NAPA: variants seen among roughly 807,000 people sequenced by gnomAD.
NAPA encodes the protein NSF attachment protein alpha.
In NAPA, 18 loss-of-function variants were observed where a neutral mutation model predicts 48.0. The ratio of observed to expected loss-of-function variants is 0.38; its 90% confidence interval spans 0.26 to 0.56. The LOEUF (loss-of-function observed/expected upper bound fraction) is 0.56, where lower values mean the gene tolerates loss of function less well. NAPA is among the 20% of genes least tolerant of loss of function. The pLI is 0.77. For synonymous variants in NAPA, 152 were observed against 149.9 expected (o/e 1.01, Z -0.10); for missense variants, 315 against 385.0 (o/e 0.82, Z 1.52).
intron 7 of NAPA, chr19:47,492,423 G>A (rs1968295957): frequency 2.3e-6 from 1 of 443,538 alleles, no homozygotes; most frequent in Non-Finnish European, 4.2e-6. Context: ...CAGGACCAAC[G>A]GGAGGCTGGC....
chr19:47,513,162 C>T (rs902238513), intron 1 of NAPA, among the ~76,000 whole-genome samples: 1 of 152,174 alleles, frequency 6.6e-6, no homozygotes, highest in Admixed American at 6.5e-5. Flanking sequence ...CCTTCTCCTT[C>T]CTCTGCCCAG....
chr19:47,493,477 G>T lies in NAPA; in HGVS notation c.359C>A (p.Ala120Glu), dbSNP rs765489177. The T allele has an allele frequency of 6.2e-7, 1 of 1,613,956 alleles. No homozygotes were observed. The highest frequency in any genetic ancestry group is 8.5e-7 in the Non-Finnish European group (1 of 1,179,972). Residue 120 changes from alanine (A) to glutamate (E), a missense_variant, in exon 5 of 11, where the codon GCG becomes GAG. Physicochemically the swap from Ala to Glu is moderately radical, Grantham distance 107 (BLOSUM62 -1). Transcript: ENST00000263354. The surrounding 1 kb of genome is among the most constrained non-coding windows in gnomAD (Gnocchi z 6.4). ...IYTDMGRFTIAAKHHISIAEI... is the reference protein window; with the variant it reads ...IYTDMGRFTIEAKHHISIAEI... Reference sequence around the variant, plus strand: ...AGCAATGGAGATGTGGTGCTTGGCCGCAATCGTGAATCGGCCCTGGAGGGG... The same window carrying T: ...AGCAATGGAGATGTGGTGCTTGGCCTCAATCGTGAATCGGCCCTGGAGGGG...
At chr19:47,504,397 CAAAAAAAAAAAA>C (rs11367620) in intron 1 of NAPA, among the ~76,000 whole-genome samples, 1 of 57,212 alleles carries the variant, frequency 1.7e-5, no homozygotes, top group Non-Finnish European at 3.4e-5. Flanking sequence ...GACCTTGTCT[CAAAAAAAAAAAA>C]AAAAAAAAAA....
intron 7 of NAPA, 24 bp downstream of exon 7, chr19:47,492,937 G>A (rs771208904): frequency 6.8e-6 from 11 of 1,610,426 alleles, no homozygotes; most frequent in African/African-American, 2.7e-5. Context: ...CAGGGTGGAA[G>A]CCGCCATCCC....
At chr19:47,487,616 G>C (rs1485990810), downstream of NAPA, 1 of 152,416 alleles carries the variant, frequency 6.6e-6, no homozygotes, top group African/African-American at 2.4e-5. Flanking sequence ...GTGGGTAGCA[G>C]AGGTGAGGAG....
At chr19:47,485,879 C>T (rs1193739949), downstream of NAPA, among the ~76,000 whole-genome samples, 3 of 152,188 alleles carry the variant, frequency 2.0e-5, no homozygotes, top group African/African-American at 4.8e-5. Flanking sequence ...GGGAGTGGCA[C>T]GTGGGTCTAG....
chr19:47,503,611 C>T (rs764845273), intron 1 of NAPA, 109 bp from the exon 2 acceptor site: 24 of 1,041,256 alleles, frequency 2.3e-5, no homozygotes, highest in Non-Finnish European at 3.1e-5. Flanking sequence ...CCTCACCCTT[C>T]ACCTGTGAAG....
intron 1 of NAPA, among the ~76,000 whole-genome samples, chr19:47,508,920 C>A (rs966531475): frequency 4.6e-5 from 7 of 151,884 alleles, no homozygotes; most frequent in African/African-American, 1.5e-4. Flanking sequence ...CCCAACTCTA[C>A]TAAAAATTAG....
chr19:47,513,182 C>T (rs1046610315), intron 1 of NAPA, among the ~76,000 whole-genome samples: 5 of 152,228 alleles, frequency 3.3e-5, no homozygotes, highest in Admixed American at 3.3e-4. Flanking sequence ...GAGCCTCATG[C>T]TCCTCTCAAC....
At chr19:47,504,902 G>T (rs1025904456) in intron 1 of NAPA, among the ~76,000 whole-genome samples, 2 of 152,118 alleles carry the variant, frequency 1.3e-5, no homozygotes, top group Non-Finnish European at 2.9e-5. Flanking sequence ...AAAACTTATT[G>T]TCCAACAGTA....
rs1968318567 is a variant in NAPA at position 47,492,955 on chromosome 19, C to CCCCACCTGTT, written c.557_561+5dup. The CCCCACCTGTT allele has an allele frequency of 6.2e-7, 1 of 1,613,924 alleles. No homozygotes were observed. Among genetic ancestry groups the CCCCACCTGTT allele is most frequent in the Non-Finnish European group, 8.5e-7 (1 of 1,179,946 alleles). ...GGTGGAAGCCGCCATCCCCACCTGT[C>CCCCACCTGTT]CCCACCTGTTCGTAGATGTCAATGG... is the stretch of plus-strand genomic sequence containing the variant. On this transcript the variant is annotated splice_donor_region_variant and intron_variant, in intron 7 of 10. Coordinates refer to ENST00000263354, the MANE Select transcript of NAPA (RefSeq NM_003827.4).
At chr19:47,514,695 C>T in intron 1 of NAPA, 148 bp downstream of exon 1, 1 of 728,262 alleles carries the variant, frequency 1.4e-6, no homozygotes, top group Non-Finnish European at 2.3e-6. Flanking sequence ...CCTGCGTCCC[C>T]TCTGCCGCCT....
chr19:47,494,069 G>A (rs544624283), intron 4 of NAPA, among the ~76,000 whole-genome samples: 12 of 152,314 alleles, frequency 7.9e-5, no homozygotes, highest in African/African-American at 2.6e-4. Context: ...GTGTCCAGGC[G>A]CTTGCCTAAC....
At chr19:47,487,289 C>G (rs561974634), downstream of NAPA, among the ~76,000 whole-genome samples, 6 of 152,302 alleles carry the variant, frequency 3.9e-5, no homozygotes, top group Non-Finnish European at 8.8e-5. Flanking sequence ...TCCACCCATT[C>G]TCATCCAAAG....
intron 1 of NAPA, among the ~76,000 whole-genome samples, chr19:47,507,537 T>C (rs1342805830): frequency 6.6e-6 from 1 of 152,028 alleles, no homozygotes; most frequent in Non-Finnish European, 1.5e-5. Context: ...ACTCACTCTA[T>C]CTCTCTTGCC....
intron 1 of NAPA, among the ~76,000 whole-genome samples, chr19:47,509,349 T>TAAAATAAATA (rs869068004): frequency 0.011 from 993 of 91,532 alleles, 13 homozygotes; most frequent in African/African-American, 0.042. Flanking sequence ...TAAAATAAAA[T>TAAAATAAATA]AAATAAAATA....
intron 8 of NAPA, 38 bp downstream of exon 8, chr19:47,491,977 G>A (rs769174788): frequency 6.4e-7 from 1 of 1,567,944 alleles, no homozygotes; most frequent in Non-Finnish European, 8.8e-7. Context: ...GCACATGGTG[G>A]CCTGGTGCGG....
intron 3 of NAPA, chr19:47,496,811 C>T: frequency 2.2e-6 from 1 of 449,918 alleles, no homozygotes; most frequent in Non-Finnish European, 4.5e-6. Flanking sequence ...GAGTCCAACC[C>T]CTCCTTCTGA....
rs375791673 is a variant in NAPA, at chr19:47,493,633, C to T, written c.343-140G>A. On this transcript the variant is annotated intron_variant, in intron 4 of 10. Coordinates refer to ENST00000263354, the MANE Select transcript of NAPA (RefSeq NM_003827.4). The surrounding 1 kb of genome is among the most constrained non-coding windows in gnomAD (Gnocchi z 6.4). ...AGAAGACCTGAGGTGTGAAGAAGAT[C>T]GAGAGGTGGGGGAACACAGGAGTGA... 110 of 722,770 alleles carry T rather than the reference C, an allele frequency of 1.5e-4. No individual in the cohort carries two copies. The East Asian group carries it at 2.3e-3, about 15-fold the overall frequency. 44.8% of individuals were successfully genotyped at this position (722,770 alleles called of 1,614,324 possible).
Sources: allele counts gnomAD v4.1 joint callset (sites outside exome capture counted in the v4.1 genomes callset), GRCh38; gene constraint gnomAD v4.1.1; non-coding constraint Gnocchi (gnomAD v3.1); transcripts MANE v1.5; gene names NCBI Gene and HGNC (gene_info 2026-07-23, HGNC 2026-07-21).